The following MTCL3 variants were observed in gnomAD, a reference collection of about 807,000 sequenced individuals.
MTCL3 encodes the protein MTCL family member 3.
At chr6:127,511,446 G>A in the MTCL3 span, among the ~76,000 whole-genome samples, 1 of 151,960 alleles carries the variant, frequency 6.6e-6, no homozygotes, top group African/African-American at 2.4e-5. Context: ...TTTAACTTTA[G>A]GGAAAAAATC....
the MTCL3 span, among the ~76,000 whole-genome samples, chr6:127,507,842 C>CAAAAAAAAAAAAAAAAAAAAA: frequency 1.2e-5 from 1 of 82,076 alleles, no homozygotes; most frequent in African/African-American, 5.7e-5. Context: ...GACTATGTCT[C>CAAAAAAAAAAAAAAAAAAAAA]AAAAAAAAAA....
the MTCL3 span, chr6:127,476,136 C>T: frequency 5.0e-6 from 8 of 1,614,078 alleles, no homozygotes; most frequent in Non-Finnish European, 5.9e-6. This position sits in a 1 kb window ranked among gnomAD's most constrained non-coding sequence, Gnocchi z 4.4. Context: ...GCGGGTTGGC[C>T]GAGCCGTTGA....
the MTCL3 span, chr6:127,515,050 G>A: frequency 2.5e-6 from 4 of 1,613,342 alleles, no homozygotes; most frequent in Non-Finnish European, 2.5e-6. The surrounding 1 kb of genome is among the most constrained non-coding windows in gnomAD (Gnocchi z 4.3). Context: ...ATCTCGTTCT[G>A]AGGCGGTGAC....
chr6:127,474,694 T>G, the MTCL3 span, among the ~76,000 whole-genome samples: 1 of 152,124 alleles, frequency 6.6e-6, no homozygotes, highest in Non-Finnish European at 1.5e-5. Context: ...TCCTCCCACA[T>G]CAGCCTCCGG....
chr6:127,476,403 C>G, the MTCL3 span: 1 of 1,613,516 alleles, frequency 6.2e-7, no homozygotes, highest in East Asian at 2.2e-5. This position sits in a 1 kb window ranked among gnomAD's most constrained non-coding sequence, Gnocchi z 4.4. Context: ...TGGCCATTTT[C>G]TTTCTCATCA....
chr6:127,480,323 T>C, the MTCL3 span, among the ~76,000 whole-genome samples: 1 of 152,178 alleles, frequency 6.6e-6, no homozygotes, highest in African/African-American at 2.4e-5. Flanking sequence ...ATACAGCTGG[T>C]ATATGCCAGA....
chr6:127,482,860 T>C, the MTCL3 span: 1 of 1,325,786 alleles, frequency 7.5e-7, no homozygotes, highest in Non-Finnish European at 1.0e-6. The surrounding 1 kb of genome is among the most constrained non-coding windows in gnomAD (Gnocchi z 4.1). Context: ...AGTTTGTGAT[T>C]ATATACACTT....
At chr6:127,512,779 A>C in the MTCL3 span, 1 of 986,610 alleles carries the variant, frequency 1.0e-6, no homozygotes, top group Non-Finnish European at 1.5e-6. Context: ...GTAAGAGTAA[A>C]AAATTGTCCT....
At chr6:127,489,979 A>G in the MTCL3 span, among the ~76,000 whole-genome samples, 1 of 152,258 alleles carries the variant, frequency 6.6e-6, no homozygotes, top group Admixed American at 6.5e-5. Flanking sequence ...TAGAACTTTC[A>G]TAGCTAAAAA....
the MTCL3 span, chr6:127,476,196 C>T: frequency 4.9e-4 from 798 of 1,614,146 alleles, 9 homozygotes; most frequent in East Asian, 0.014. The surrounding 1 kb of genome is among the most constrained non-coding windows in gnomAD (Gnocchi z 4.4). Flanking sequence ...CTCTGTTCTC[C>T]ACCTCCAGTT....
the MTCL3 span, among the ~76,000 whole-genome samples, chr6:127,504,779 A>G: frequency 1.3e-5 from 2 of 152,244 alleles, no homozygotes; most frequent in African/African-American, 4.8e-5. Flanking sequence ...TGCAACTTCA[A>G]AAAACATCAG....
chr6:127,506,837 C>T, the MTCL3 span, among the ~76,000 whole-genome samples: 1 of 152,058 alleles, frequency 6.6e-6, no homozygotes, highest in Non-Finnish European at 1.5e-5. Flanking sequence ...CCTCGGCCTC[C>T]CAAAGTGCTG....
the MTCL3 span, among the ~76,000 whole-genome samples, chr6:127,505,355 A>C: frequency 2.0e-5 from 3 of 152,212 alleles, no homozygotes; most frequent in Non-Finnish European, 4.4e-5. Flanking sequence ...GAAACAGATC[A>C]CATCCTTTGC....
chr6:127,495,851 C>T, the MTCL3 span, among the ~76,000 whole-genome samples: 1,197 of 152,276 alleles, frequency 7.9e-3, 19 homozygotes, highest in African/African-American at 0.027. Flanking sequence ...ATCCAAATTT[C>T]CAGTTTCACT....
the MTCL3 span, among the ~76,000 whole-genome samples, chr6:127,488,789 A>G: frequency 6.6e-6 from 1 of 152,248 alleles, no homozygotes; most frequent in Non-Finnish European, 1.5e-5. Context: ...GGCCCTCTGT[A>G]TCTACAGGTT....
At chr6:127,515,479 C>T in the MTCL3 span, 1 of 1,404,678 alleles carries the variant, frequency 7.1e-7, no homozygotes, top group South Asian at 1.7e-5. The surrounding 1 kb of genome is among the most constrained non-coding windows in gnomAD (Gnocchi z 4.3). Context: ...GCCCACTCTT[C>T]CCATCCCCCA....
At chr6:127,510,966 T>C in the MTCL3 span, among the ~76,000 whole-genome samples, 1 of 152,346 alleles carries the variant, frequency 6.6e-6, no homozygotes, top group East Asian at 1.9e-4. Flanking sequence ...CTCATGCCTG[T>C]AATCCCAGCT....
chr6:127,475,231 A>G, the MTCL3 span: 5 of 1,504,866 alleles, frequency 3.3e-6, no homozygotes, highest in Non-Finnish European at 4.5e-6. The surrounding 1 kb of genome is among the most constrained non-coding windows in gnomAD (Gnocchi z 7.3). Flanking sequence ...GACGCCCCCC[A>G]GGGACGCGGC....
chr6:127,512,784 T>G, the MTCL3 span: 2 of 1,018,980 alleles, frequency 2.0e-6, no homozygotes, highest in East Asian at 5.2e-5. Flanking sequence ...AGTAAAAAAT[T>G]GTCCTGCAAT....
Sources: gnomAD v4.1 joint callset for allele counts (sites outside exome capture counted in the v4.1 genomes callset) on GRCh38, gnomAD v4.1.1 for gene constraint, Gnocchi (gnomAD v3.1) non-coding constraint, MANE v1.5 for transcripts, NCBI Gene and HGNC (gene_info 2026-07-23, HGNC 2026-07-21) for gene names.